WWTR1: variants seen among roughly 807,000 people sequenced by gnomAD.
WWTR1 encodes the protein WW domain-containing transcription regulator protein 1.
In WWTR1, 13 loss-of-function variants were observed where a neutral mutation model predicts 40.1. The ratio of observed to expected loss-of-function variants is 0.32; its 90% CI spans 0.21 to 0.52. WWTR1 has a LOEUF of 0.52. WWTR1 is among the 20% of genes least tolerant of loss of function. The pLI is 0.97. For synonymous variants in WWTR1, 230 were observed against 210.1 expected (o/e 1.09, Z -0.82); for missense variants, 436 against 523.1 (o/e 0.83, Z 1.63).
intron 2 of WWTR1, among the ~76,000 whole-genome samples, chr3:149,601,798 G>T (rs565591125): frequency 6.6e-6 from 1 of 151,474 alleles, no homozygotes; most frequent in Non-Finnish European, 1.5e-5. Flanking sequence ...GAAATAAAAC[G>T]TGCAGGTTTA....
At position 149,551,279 on chromosome 3, in the gene WWTR1, C is replaced by T. The variant is rs1477672221; in HGVS notation, c.569-8742G>A. Among the ~76,000 whole-genome samples the T allele has an allele frequency of 1.5e-5, 2 of 134,046 alleles. 1 individual carries two copies. The highest frequency in any genetic ancestry group is 5.8e-5 in the African/African-American group (2 of 34,644). 87.9% of individuals were successfully genotyped at this position (134,046 alleles called of 152,430 possible). On this transcript the variant is annotated intron_variant, in intron 3 of 6. Coordinates refer to ENST00000360632, the MANE Select transcript of WWTR1 (RefSeq NM_015472.6). ...CGCCATTGCTCTCCAGCCTGGGCAG[C>T]AAGAGTGAAACTTCGTCTCCAAAAA... is the stretch of plus-strand genomic sequence containing the variant.
intron 2 of WWTR1, among the ~76,000 whole-genome samples, chr3:149,612,492 T>A (rs1451221542): frequency 6.6e-6 from 1 of 152,196 alleles, no homozygotes; most frequent in Non-Finnish European, 1.5e-5. Flanking sequence ...AATTTTCCTG[T>A]CCTTTGTACT....
intron 2 of WWTR1, among the ~76,000 whole-genome samples, chr3:149,600,851 G>T (rs954503568): frequency 6.6e-6 from 1 of 152,168 alleles, no homozygotes; most frequent in Non-Finnish European, 1.5e-5. Flanking sequence ...CCATAAGGAA[G>T]CTCATGCATT....
At chr3:149,584,401 G>A (rs1284893565) in intron 2 of WWTR1, among the ~76,000 whole-genome samples, 1 of 152,152 alleles carries the variant, frequency 6.6e-6, no homozygotes, top group South Asian at 2.1e-4. Flanking sequence ...CTGGCCATCA[G>A]AGCCACTTTC....
chr3:149,722,442 A>T (rs180745177), intron 4 of WWTR1, among the ~76,000 whole-genome samples: 268 of 151,628 alleles, frequency 1.8e-3, no homozygotes, highest in Non-Finnish European at 2.6e-3. Flanking sequence ...GTGTTCCATA[A>T]GTTTGGGTAT....
At chr3:149,677,955 G>C (rs1412977057) in intron 1 of WWTR1, among the ~76,000 whole-genome samples, 1 of 150,654 alleles carries the variant, frequency 6.6e-6, no homozygotes, top group African/African-American at 2.5e-5. Flanking sequence ...TTTTTTAGTG[G>C]AGACGGGGTT....
intron 2 of WWTR1, among the ~76,000 whole-genome samples, chr3:149,586,310 T>C (rs539901828): frequency 9.9e-5 from 15 of 152,140 alleles, no homozygotes; most frequent in Non-Finnish European, 2.2e-4. Flanking sequence ...CACTTGTTTC[T>C]AAATGATCCC....
chr3:149,549,141 G>A (rs1033482165), intron 3 of WWTR1, among the ~76,000 whole-genome samples: 7 of 152,154 alleles, frequency 4.6e-5, no homozygotes, highest in Admixed American at 1.3e-4. Context: ...CTCAAAGGCC[G>A]GGGGGATGGG....
At chr3:149,522,350 T>C in intron 6 of WWTR1, among the ~76,000 whole-genome samples, 1 of 152,298 alleles carries the variant, frequency 6.6e-6, no homozygotes, top group Admixed American at 6.5e-5. Context: ...ATCATCCAAT[T>C]TGGATTTTGG....
intron 5 of WWTR1, among the ~76,000 whole-genome samples, chr3:149,715,684 G>A (rs1460489931): frequency 6.6e-6 from 1 of 152,202 alleles, no homozygotes; most frequent in African/African-American, 2.4e-5. Context: ...CCAGAAAAGC[G>A]ACATCCCAAT....
chr3:149,616,481 T>A (rs1260468516), intron 2 of WWTR1, among the ~76,000 whole-genome samples: 1 of 151,968 alleles, frequency 6.6e-6, no homozygotes, highest in East Asian at 1.9e-4. Context: ...TCACTCTTGT[T>A]GCCCAGGCTG....
At position 149,623,890 on chromosome 3, in the gene WWTR1, T is replaced by C. The variant is rs532005228; in HGVS notation, c.431+32986A>G. Among the ~76,000 whole-genome samples, 5 of 152,284 alleles carry C rather than the reference T, an allele frequency of 3.3e-5. No individual in the cohort carries two copies. The South Asian group carries it at 8.3e-4, about 25-fold the overall frequency. ...GCATCTCCTCGTTACCTTCATGTAG[T>C]TTTGGCAATGTTGTGCTCTCTTGCA... is the stretch of plus-strand genomic sequence containing the variant. On this transcript the variant is annotated intron_variant, in intron 2 of 6. Transcript: ENST00000360632.
chr3:149,593,001 A>C (rs932688322), intron 2 of WWTR1, among the ~76,000 whole-genome samples: 8 of 152,032 alleles, frequency 5.3e-5, no homozygotes, highest in Non-Finnish European at 8.8e-5. Flanking sequence ...GCTAAAAAAA[A>C]CTCCAGGCAC....
intron 2 of WWTR1, among the ~76,000 whole-genome samples, chr3:149,599,220 G>T (rs536031900): frequency 1.3e-5 from 2 of 152,354 alleles, no homozygotes; most frequent in South Asian, 2.1e-4. Flanking sequence ...GCTGGGGAAA[G>T]CAATGGGTCC....
At chr3:149,568,380 C>T (rs561168363) in intron 3 of WWTR1, among the ~76,000 whole-genome samples, 1 of 151,734 alleles carries the variant, frequency 6.6e-6, no homozygotes, top group Admixed American at 6.5e-5. Flanking sequence ...CCATTTATTG[C>T]ATATGTCTGG....
chr3:149,575,917 A>G (rs924400030), intron 2 of WWTR1: 2 of 454,520 alleles, frequency 4.4e-6, no homozygotes, highest in African/African-American at 2.0e-5. Context: ...TTGAAGTCCC[A>G]GCACTCCTGC....
intron 1 of WWTR1, among the ~76,000 whole-genome samples, chr3:149,697,926 C>A (rs1036364474): frequency 6.6e-6 from 1 of 152,210 alleles, no homozygotes; most frequent in African/African-American, 2.4e-5. Flanking sequence ...CCCAGGAGGG[C>A]AGGCATTAAA....
chr3:149,631,901 A>G (rs1326678738), intron 2 of WWTR1, among the ~76,000 whole-genome samples: 1 of 152,110 alleles, frequency 6.6e-6, no homozygotes, highest in African/African-American at 2.4e-5. Context: ...CCTTAATAAA[A>G]TTGAGAACTT....
At chr3:149,549,128 A>G (rs1403529418) in intron 3 of WWTR1, among the ~76,000 whole-genome samples, 1 of 152,232 alleles carries the variant, frequency 6.6e-6, no homozygotes, top group Non-Finnish European at 1.5e-5. Flanking sequence ...TAGACACACC[A>G]TGCTCAAAGG....
Sources: gnomAD v4.1 joint callset for allele counts (sites outside exome capture counted in the v4.1 genomes callset) on GRCh38, gnomAD v4.1.1 for gene constraint, MANE v1.5 for transcripts, NCBI Gene and HGNC (gene_info 2026-07-23, HGNC 2026-07-21) for gene names.